MGAT4C: variants seen among roughly 807,000 people sequenced by gnomAD.
MGAT4C encodes the protein alpha-1,3-mannosyl-glycoprotein 4-beta-N-acetylglucosaminyltransferase C.
MGAT4C carries 19 observed loss-of-function variants against 40.1 expected under a neutral mutation model. The observed-to-expected ratio is 0.47, with a 90% CI of 0.33 to 0.70. The LOEUF (loss-of-function observed/expected upper bound fraction) is 0.70, where lower values mean the gene tolerates loss of function less well. Ranked by LOEUF, MGAT4C falls within the 30% of genes least tolerant of loss-of-function variation. The pLI, the probability that MGAT4C is intolerant of heterozygous loss-of-function variation, is 0.02. For synonymous variants in MGAT4C, 181 were observed against 187.1 expected (o/e 0.97, Z 0.27); for missense variants, 491 against 563.2 (o/e 0.87, Z 1.30).
At chr12:86,515,738 CTT>C (rs940550644) in intron 2 of MGAT4C, among the ~76,000 whole-genome samples, 17 of 133,406 alleles carry the variant, frequency 1.3e-4, no homozygotes, top group East Asian at 2.2e-4. Flanking sequence ...TAAAGCAATT[CTT>C]TTTTTTTTTT....
At chr12:86,750,228 A>G (rs1258492384) in intron 1 of MGAT4C, among the ~76,000 whole-genome samples, 1 of 151,878 alleles carries the variant, frequency 6.6e-6, no homozygotes, top group Non-Finnish European at 1.5e-5. Flanking sequence ...CATATGTGCA[A>G]GGAAGGTTAT....
At chr12:86,649,907 T>G (rs2136533497) in intron 2 of MGAT4C, among the ~76,000 whole-genome samples, 1 of 151,946 alleles carries the variant, frequency 6.6e-6, no homozygotes, top group South Asian at 2.1e-4. Flanking sequence ...CATTTGAAAA[T>G]ATTAAAAATG....
chr12:86,074,211 C>A (rs945100734), intron 1 of MGAT4C, among the ~76,000 whole-genome samples: 1 of 152,128 alleles, frequency 6.6e-6, no homozygotes, highest in Non-Finnish European at 1.5e-5. Context: ...CCTCCCCAGC[C>A]ATATGGAACT....
intron 4 of MGAT4C, among the ~76,000 whole-genome samples, chr12:86,282,868 T>C (rs1273056612): frequency 6.6e-6 from 1 of 152,154 alleles, no homozygotes; most frequent in African/African-American, 2.4e-5. Flanking sequence ...TTCTGGACTC[T>C]TGATTAAATG....
chr12:86,713,101 T>TACAC (rs3080043), intron 2 of MGAT4C, among the ~76,000 whole-genome samples: 15 of 151,008 alleles, frequency 9.9e-5, no homozygotes, highest in African/African-American at 2.2e-4. Flanking sequence ...TGCACACACA[T>TACAC]ACACACACAC....
chr12:86,568,808 C>A (rs955632391), intron 2 of MGAT4C, among the ~76,000 whole-genome samples: 1 of 151,792 alleles, frequency 6.6e-6, no homozygotes, highest in Non-Finnish European at 1.5e-5. Context: ...AACAAAGGCA[C>A]CAAGAACATT....
chr12:86,760,504 A>C (rs2136151319), intron 1 of MGAT4C, among the ~76,000 whole-genome samples: 1 of 152,234 alleles, frequency 6.6e-6, no homozygotes, highest in South Asian at 2.1e-4. Context: ...AGATGGAGTA[A>C]AAAATGATCT....
chr12:86,694,963 T>G (rs1056486397), intron 2 of MGAT4C, among the ~76,000 whole-genome samples: 1 of 152,052 alleles, frequency 6.6e-6, no homozygotes, highest in Non-Finnish European at 1.5e-5. Context: ...ACGAAACAAT[T>G]AACAAAGTGA....
intron 1 of MGAT4C, among the ~76,000 whole-genome samples, chr12:86,054,186 C>T (rs997429365): frequency 2.0e-5 from 3 of 152,012 alleles, no homozygotes; most frequent in African/African-American, 7.2e-5. Context: ...GATATGGAGT[C>T]AACCCAAGTG....
chr12:86,709,643 G>A lies in MGAT4C; in HGVS notation c.-229+17566C>T, dbSNP rs193104879. On this transcript the variant is annotated intron_variant, in intron 2 of 7. Transcript: ENST00000548651. ...ATTTGAGGCTGGTCTCAAACTCCTG[G>A]TCTCAAGTGATCCCCCCACCTTGGC... Among the ~76,000 whole-genome samples the A allele has an allele frequency of 1.7e-3, 264 of 152,078 alleles. 1 individual carries two copies. Among genetic ancestry groups the A allele is most frequent in the Non-Finnish European group, 2.7e-3 (183 of 67,972 alleles).
chr12:85,992,677 T>C (rs1430406863), intron 2 of MGAT4C, among the ~76,000 whole-genome samples: 2 of 152,244 alleles, frequency 1.3e-5, no homozygotes, highest in South Asian at 2.1e-4. Flanking sequence ...GTGGCAAACA[T>C]GTTTTTGTCA....
At chr12:86,192,248 A>G (rs1889596494) in intron 1 of MGAT4C, among the ~76,000 whole-genome samples, 1 of 152,064 alleles carries the variant, frequency 6.6e-6, no homozygotes, top group African/African-American at 2.4e-5. Flanking sequence ...ATAATAGAAA[A>G]AAGTATATAA....
intron 1 of MGAT4C, among the ~76,000 whole-genome samples, chr12:86,737,837 CA>C (rs1327280493): frequency 6.6e-6 from 1 of 151,316 alleles, no homozygotes; most frequent in Non-Finnish European, 1.5e-5. Context: ...GCATTTCTTT[CA>C]AAATATATCT....
At chr12:86,373,366 A>G (rs1057239567) in intron 3 of MGAT4C, among the ~76,000 whole-genome samples, 1 of 151,970 alleles carries the variant, frequency 6.6e-6, no homozygotes, top group African/African-American at 2.4e-5. Context: ...CCTATTGTAA[A>G]CATTTATCAT....
upstream of MGAT4C, among the ~76,000 whole-genome samples, chr12:86,257,884 CTT>C (rs1952567985): frequency 6.6e-6 from 1 of 152,040 alleles, no homozygotes; most frequent in African/African-American, 2.4e-5. Flanking sequence ...ACTCTGGTAA[CTT>C]AGCATCTTTT....
chr12:86,213,682 T>C (rs1235066117), intron 1 of MGAT4C, among the ~76,000 whole-genome samples: 1 of 152,214 alleles, frequency 6.6e-6, no homozygotes, highest in Non-Finnish European at 1.5e-5. Flanking sequence ...ATAAAACTTA[T>C]ATTCAAGAAT....
At position 86,303,663 on chromosome 12, in the gene MGAT4C, G is replaced by A. The variant is rs932918178; in HGVS notation, c.-57+30402C>T. Among the ~76,000 whole-genome samples the A allele has an allele frequency of 6.7e-5, 10 of 149,342 alleles. No individual in the cohort carries two copies. In the East Asian group the frequency reaches 9.8e-4, roughly 15 times the overall value. On this transcript the variant is annotated intron_variant, in intron 4 of 7. Coordinates refer to the MGAT4C transcript ENST00000548651. ...GTAACCTTAAATAATTCTGGCTCTT[G>A]GTTTCTGCATATAGTAATGAAGGCT...
At chr12:86,201,930 T>C (rs1182006868) in intron 1 of MGAT4C, among the ~76,000 whole-genome samples, 1 of 152,134 alleles carries the variant, frequency 6.6e-6, no homozygotes, top group Non-Finnish European at 1.5e-5. Context: ...GTATTGTGCT[T>C]CAATTAAAAT....
intron 4 of MGAT4C, among the ~76,000 whole-genome samples, chr12:86,283,423 C>T (rs556800161): frequency 1.3e-4 from 20 of 151,960 alleles, no homozygotes; most frequent in Middle Eastern, 3.4e-3. Flanking sequence ...AATTTCCACT[C>T]TTTAGAAATT....
Sources: allele counts gnomAD v4.1 joint callset (sites outside exome capture counted in the v4.1 genomes callset), GRCh38; gene constraint gnomAD v4.1.1; transcripts MANE v1.5; gene names NCBI Gene and HGNC (gene_info 2026-07-23, HGNC 2026-07-21).